KCNH1: variants seen among roughly 807,000 people sequenced by gnomAD.
KCNH1 encodes the protein potassium voltage-gated channel subfamily H member 1, also known as voltage-gated delayed rectifier potassium channel KCNH1.
KCNH1 carries 27 observed loss-of-function variants against 69.2 expected under a neutral mutation model. The observed-to-expected ratio is 0.39, with a 90% CI of 0.29 to 0.54. KCNH1 has a LOEUF of 0.54. Ranked by LOEUF, KCNH1 falls within the 20% of genes least tolerant of loss-of-function variation. The pLI, the probability that KCNH1 is intolerant of heterozygous loss-of-function variation, is 0.68. For synonymous variants in KCNH1, 456 were observed against 487.7 expected, an observed-to-expected ratio of 0.93 and a Z score of 0.86; for missense variants, 798 against 1,261.6, an observed-to-expected ratio of 0.63 and a Z score of 5.57.
At chr1:210,958,925 G>A (rs1335576529) in intron 6 of KCNH1, among the ~76,000 whole-genome samples, 1 of 152,210 alleles carries the variant, frequency 6.6e-6, no homozygotes, top group Admixed American at 6.5e-5. Context: ...ACTTGTCAAA[G>A]TTATTCTCCA....
At chr1:210,758,493 G>A (rs1281001919) in intron 10 of KCNH1, among the ~76,000 whole-genome samples, 2 of 152,178 alleles carry the variant, frequency 1.3e-5, no homozygotes, top group African/African-American at 4.8e-5. Flanking sequence ...GTCAGCTGGG[G>A]GACAGTGGCC....
rs1176765822 is a variant in KCNH1, at chr1:210,785,824, A to C, written c.1916-10280T>G. 2.6e-5 allele frequency among the ~76,000 whole-genome samples: 4 copies of C among 152,176 alleles called. No individual in the cohort carries two copies. The East Asian group carries it at 7.7e-4, about 29-fold the overall frequency. On this transcript the variant is annotated intron_variant, in intron 9 of 10. Coordinates refer to ENST00000271751, the MANE Select transcript of KCNH1 (RefSeq NM_172362.3). ...CGGGAATGAACTGCCTGTAGGAAGG[A>C]TGTTCTTTCTGTCCTCCTCTGCCAT... is the stretch of plus-strand genomic sequence containing the variant.
At chr1:211,080,359 G>A (rs1571630734) in intron 5 of KCNH1, among the ~76,000 whole-genome samples, 1 of 152,196 alleles carries the variant, frequency 6.6e-6, no homozygotes, top group African/African-American at 2.4e-5. Context: ...CTCATGGATA[G>A]GAAGAAGCAA....
chr1:211,070,428 A>ACACACACAC (rs1289542011), intron 5 of KCNH1, among the ~76,000 whole-genome samples: 5 of 114,264 alleles, frequency 4.4e-5, no homozygotes, highest in Middle Eastern at 4.7e-3. Flanking sequence ...TAAAAAAAAA[A>ACACACACAC]AAACACACAC....
At chr1:211,026,376 C>CAAAAAA (rs34132386) in intron 5 of KCNH1, among the ~76,000 whole-genome samples, 13 of 72,608 alleles carry the variant, frequency 1.8e-4, no homozygotes, top group East Asian at 1.0e-3. Context: ...GGAGTATAGA[C>CAAAAAA]AAAAAAAAAA....
intron 7 of KCNH1, among the ~76,000 whole-genome samples, chr1:210,814,576 G>T (rs1684774868): frequency 6.6e-6 from 1 of 152,142 alleles, no homozygotes; most frequent in South Asian, 2.1e-4. Flanking sequence ...TGAGAAAGCA[G>T]CACTGGAATG....
chr1:210,819,537 T>C (rs1395150498), intron 7 of KCNH1, among the ~76,000 whole-genome samples: 1 of 151,850 alleles, frequency 6.6e-6, no homozygotes, highest in Admixed American at 6.6e-5. Flanking sequence ...ATCACGGCTA[T>C]CCTGAGAGTA....
chr1:211,038,644 G>C (rs1689940516), intron 5 of KCNH1, among the ~76,000 whole-genome samples: 1 of 152,168 alleles, frequency 6.6e-6, no homozygotes, highest in African/African-American at 2.4e-5. Context: ...TGGAGATGAG[G>C]AACTTGTTGG....
chr1:211,075,839 G>A (rs752872340), intron 5 of KCNH1, among the ~76,000 whole-genome samples: 5 of 152,212 alleles, frequency 3.3e-5, no homozygotes, highest in African/African-American at 7.2e-5. Flanking sequence ...AAGGGAAGCT[G>A]TGACAGACAG....
chr1:210,993,121 C>G (rs1321324517), intron 6 of KCNH1, among the ~76,000 whole-genome samples: 4 of 152,190 alleles, frequency 2.6e-5, no homozygotes, highest in African/African-American at 9.7e-5. Flanking sequence ...GTCAGCCCCC[C>G]ACTGCTACTC....
chr1:210,709,647 G>T (rs183750370), intron 10 of KCNH1, among the ~76,000 whole-genome samples: 1 of 152,020 alleles, frequency 6.6e-6, no homozygotes, highest in Non-Finnish European at 1.5e-5. Context: ...AGTAGAAATG[G>T]GTGGGTGGAT....
At chr1:210,860,026 G>C (rs4951671) in intron 7 of KCNH1, 1,560,050 of 1,560,052 alleles carry the variant, frequency 1, 780,024 homozygotes, top group Non-Finnish European at 1. Context: ...TGGTCAACGT[G>C]ACGCCCTTTG....
rs1323949398 is a variant in KCNH1 at position 210,681,560 on chromosome 1, G to T, written c.*1721C>A. On this transcript the variant is annotated 3_prime_UTR_variant, in exon 11 of 11. Transcript: ENST00000271751. ...GCCCTGCCTTGCACAGACAACCGAG[G>T]GCCCAGCCCTGGGACTCGCCGTGAG... The T allele has an allele frequency of 6.6e-6, 1 of 152,216 alleles. No individual in the cohort carries two copies. Among genetic ancestry groups the T allele is most frequent in the Admixed American group, 6.6e-5 (1 of 15,266 alleles). 9.4% of individuals were successfully genotyped at this position (152,216 alleles called of 1,614,324 possible).
At position 210,797,810 on chromosome 1, in the gene KCNH1, A is replaced by G. The variant is rs752692945; in HGVS notation, c.1663-50T>C. The G allele has an allele frequency of 1.9e-6, 3 of 1,576,702 alleles. No homozygotes were observed. The South Asian group carries it at 3.5e-5, about 19-fold the overall frequency. On this transcript the variant is annotated intron_variant, in intron 8 of 10. Transcript: ENST00000271751. Reference sequence around the variant, plus strand: ...TGTGAGGGTCCTCACTGTGGCCTTCAGCCCACATCCTTCAGCACTCTAGGG... The same window carrying G: ...TGTGAGGGTCCTCACTGTGGCCTTCGGCCCACATCCTTCAGCACTCTAGGG...
intron 7 of KCNH1, chr1:210,859,555 CCATCTTCATCAATAT>C: frequency 6.3e-7 from 1 of 1,580,208 alleles, no homozygotes; most frequent in Non-Finnish European, 8.7e-7. Context: ...ATATTCTTTC[CCATCTTCATCAATAT>C]CATCTTCATC....
At chr1:210,931,880 G>A (rs1202183473) in intron 6 of KCNH1, among the ~76,000 whole-genome samples, 1 of 150,144 alleles carries the variant, frequency 6.7e-6, no homozygotes, top group Non-Finnish European at 1.5e-5. Context: ...CAACAGACTA[G>A]TTCAAGGAGA....
At chr1:210,847,656 G>A (rs1180699713) in intron 7 of KCNH1, among the ~76,000 whole-genome samples, 1 of 151,676 alleles carries the variant, frequency 6.6e-6, no homozygotes, top group Non-Finnish European at 1.5e-5. Flanking sequence ...GGTGCAGCAC[G>A]CCAAGATGGC....
chr1:210,844,020 T>C (rs1266425826), intron 7 of KCNH1, among the ~76,000 whole-genome samples: 4 of 152,160 alleles, frequency 2.6e-5, no homozygotes, highest in Non-Finnish European at 5.9e-5. Flanking sequence ...GAAGGACTTC[T>C]GTCATGGCCC....
At chr1:210,759,465 A>C (rs935604823) in intron 10 of KCNH1, among the ~76,000 whole-genome samples, 3 of 152,124 alleles carry the variant, frequency 2.0e-5, no homozygotes, top group African/African-American at 7.2e-5. Context: ...CTATATTAAG[A>C]AAAAATGAAA....
Sources: allele counts gnomAD v4.1 joint callset (sites outside exome capture counted in the v4.1 genomes callset), GRCh38; gene constraint gnomAD v4.1.1; transcripts MANE v1.5; gene names NCBI Gene and HGNC (gene_info 2026-07-23, HGNC 2026-07-21).